VAV3: variants seen among roughly 807,000 people sequenced by gnomAD.
VAV3 encodes vav guanine nucleotide exchange factor 3.
In VAV3, 94 loss-of-function variants were observed where a neutral mutation model predicts 131.2. The observed-to-expected ratio is 0.72, with a 90% CI of 0.61 to 0.85. VAV3 has a LOEUF of 0.85. Ranked by LOEUF, VAV3 falls within the 40% of genes least tolerant of loss-of-function variation. The pLI is 0.00. For synonymous variants in VAV3, 349 were observed against 342.0 expected (o/e 1.02, Z -0.22); for missense variants, 939 against 1,002.7 (o/e 0.94, Z 0.86).
At chr1:107,741,685 C>A (rs1303302727) in intron 15 of VAV3, among the ~76,000 whole-genome samples, 2 of 152,254 alleles carry the variant, frequency 1.3e-5, no homozygotes, top group East Asian at 1.9e-4. Flanking sequence ...CACAGTGAAT[C>A]AAGAACATGG....
At chr1:107,824,575 T>C (rs1004472076) in intron 2 of VAV3, among the ~76,000 whole-genome samples, 3 of 152,200 alleles carry the variant, frequency 2.0e-5, no homozygotes, top group African/African-American at 7.2e-5. Context: ...CAGGTGTTCC[T>C]TAATTAAAAA....
rs1665116524 is a variant in VAV3, at chr1:107,772,696, AATATTCAG to A, written c.555+31_555+38del. The A allele has an allele frequency of 3.3e-6, 5 of 1,530,154 alleles. No homozygotes were observed. In the East Asian group the frequency reaches 1.1e-4, roughly 34 times the overall value. 94.8% of individuals were successfully genotyped at this position (1,530,154 alleles called of 1,614,324 possible). A position where few individuals can be genotyped will look rare whatever the true frequency, so the allele number is the denominator to read the frequency against. On this transcript the variant is annotated intron_variant, in intron 5 of 26. Coordinates refer to ENST00000370056, the MANE Select transcript of VAV3 (RefSeq NM_006113.5). ...TATGTTAATTAGCCTTTCCTAATAA[AATATTCAG>A]AGTAACTTTAAAAACAAGTAAAAGT... is the stretch of plus-strand genomic sequence containing the variant.
intron 1 of VAV3, among the ~76,000 whole-genome samples, chr1:107,917,605 G>A (rs544023114): frequency 6.6e-6 from 1 of 152,222 alleles, no homozygotes; most frequent in South Asian, 2.1e-4. Context: ...AAGACATTGA[G>A]TCTCAAACAT....
At chr1:107,616,226 G>T (rs1653143883) in intron 21 of VAV3, among the ~76,000 whole-genome samples, 1 of 152,042 alleles carries the variant, frequency 6.6e-6, no homozygotes, top group Non-Finnish European at 1.5e-5. Context: ...AGAAAATATG[G>T]TACATATACA....
chr1:107,622,937 T>C (rs1405702432), intron 20 of VAV3, among the ~76,000 whole-genome samples: 1 of 152,150 alleles, frequency 6.6e-6, no homozygotes, highest in East Asian at 1.9e-4. Flanking sequence ...GAACACACTG[T>C]TTTTGGCATT....
intron 15 of VAV3, among the ~76,000 whole-genome samples, chr1:107,714,591 T>G (rs1660981492): frequency 6.6e-6 from 1 of 152,150 alleles, no homozygotes; most frequent in South Asian, 2.1e-4. Context: ...GTATGAAAGA[T>G]ATATTCATAC....
At chr1:107,909,435 T>A (rs1370924900) in intron 1 of VAV3, among the ~76,000 whole-genome samples, 4 of 150,328 alleles carry the variant, frequency 2.7e-5, no homozygotes, top group Non-Finnish European at 5.9e-5. Context: ...AAATGAAAGA[T>A]GAGTAGACAA....
intron 2 of VAV3, among the ~76,000 whole-genome samples, chr1:107,788,726 C>T (rs1666141056): frequency 1.3e-5 from 2 of 152,148 alleles, no homozygotes; most frequent in African/African-American, 4.8e-5. Flanking sequence ...TAAATTTATG[C>T]TGGTCTGTTA....
At chr1:107,657,209 C>T (rs1472978544) in intron 19 of VAV3, among the ~76,000 whole-genome samples, 3 of 152,098 alleles carry the variant, frequency 2.0e-5, no homozygotes, top group African/African-American at 7.2e-5. Context: ...CCCGTCTCGG[C>T]CTCCCAAAGT....
At chr1:107,650,166 C>A (rs1656051549) in intron 19 of VAV3, among the ~76,000 whole-genome samples, 1 of 152,076 alleles carries the variant, frequency 6.6e-6, no homozygotes, top group Non-Finnish European at 1.5e-5. Flanking sequence ...AGGTCAGTGA[C>A]ACTGCATGAA....
intron 25 of VAV3, among the ~76,000 whole-genome samples, chr1:107,590,663 T>C (rs1650876182): frequency 6.6e-6 from 1 of 152,222 alleles, no homozygotes; most frequent in African/African-American, 2.4e-5. Context: ...TTCTGTTTCC[T>C]GGATTGTTAA....
At chr1:107,954,769 G>T (rs1005875965) in intron 1 of VAV3, among the ~76,000 whole-genome samples, 4 of 149,964 alleles carry the variant, frequency 2.7e-5, no homozygotes. Context: ...TACCATGGGA[G>T]GGGGGGAAAT....
At chr1:107,663,033 T>C (rs1345069261) in intron 19 of VAV3, among the ~76,000 whole-genome samples, 1 of 152,200 alleles carries the variant, frequency 6.6e-6, no homozygotes, top group African/African-American at 2.4e-5. Flanking sequence ...TTTAAATATG[T>C]TGAAGAATTT....
chr1:107,847,812 G>A (rs981539183), intron 2 of VAV3, among the ~76,000 whole-genome samples: 2 of 152,128 alleles, frequency 1.3e-5, no homozygotes, highest in African/African-American at 4.8e-5. Flanking sequence ...CAGGACCAGA[G>A]AGATTCACAG....
At chr1:107,842,024 A>G (rs1668735550) in intron 2 of VAV3, among the ~76,000 whole-genome samples, 2 of 152,144 alleles carry the variant, frequency 1.3e-5, no homozygotes, top group African/African-American at 2.4e-5. Flanking sequence ...TAGTTTCACT[A>G]CCTAGTAATA....
chr1:107,742,757 T>C (rs1055261270), intron 15 of VAV3, among the ~76,000 whole-genome samples: 4 of 152,154 alleles, frequency 2.6e-5, no homozygotes, highest in Non-Finnish European at 5.9e-5. Context: ...AAAAGAGAAG[T>C]AAAACTGAAA....
intron 12 of VAV3, 35 bp from the exon 13 acceptor site, chr1:107,751,237 T>A: frequency 1.3e-6 from 2 of 1,526,052 alleles, no homozygotes; most frequent in South Asian, 2.3e-5. Context: ...GAGTTTTTCA[T>A]AATCACATGA....
intron 20 of VAV3, among the ~76,000 whole-genome samples, chr1:107,632,170 T>G (rs955743115): frequency 3.9e-5 from 6 of 152,184 alleles, no homozygotes; most frequent in Admixed American, 1.3e-4. Context: ...CTGGGGATAG[T>G]GTCAAAATTA....
At chr1:107,715,090 C>T (rs2101894735) in intron 15 of VAV3, among the ~76,000 whole-genome samples, 1 of 151,838 alleles carries the variant, frequency 6.6e-6, no homozygotes, top group East Asian at 1.9e-4. Context: ...GGCTTTTGGC[C>T]CATAAACTAT....
Sources: gnomAD v4.1 joint callset for allele counts (sites outside exome capture counted in the v4.1 genomes callset) on GRCh38, gnomAD v4.1.1 for gene constraint, MANE v1.5 for transcripts, NCBI Gene and HGNC (gene_info 2026-07-23, HGNC 2026-07-21) for gene names.